Variants in CBARP observed in about 807,000 individuals in gnomAD.
The protein encoded by CBARP is CACN subunit beta associated regulatory protein.
In CBARP, 24 loss-of-function variants were observed where a neutral mutation model predicts 36.3. The observed-to-expected ratio is 0.66, with a 90% CI of 0.48 to 0.93. CBARP has a LOEUF of 0.93. Ranked by LOEUF, CBARP falls within the 40% of genes least tolerant of loss-of-function variation. The pLI is 0.00. For missense variants in CBARP, 1,146 were observed against 980.4 expected, an observed-to-expected ratio of 1.17 and a Z score of -2.26; for synonymous variants, 586 against 453.2, an observed-to-expected ratio of 1.29 and a Z score of -3.72.
Position 1,235,030 on chromosome 19 carries a change from C to T in CBARP, c.426G>A (p.Gln142=). 6.2e-7 allele frequency: 1 copy of T among 1,610,346 alleles called. No homozygotes were observed. Among genetic ancestry groups the T allele is most frequent in the South Asian group, 1.1e-5 (1 of 90,980 alleles). Residue 142 remains glutamine, a synonymous_variant, in exon 5 of 10, where the codon CAG becomes CAA. Transcript: ENST00000650044. ...GACCCTTGTCCTGCGTCTTGCGGCT[C>T]TGCTCAAACAGCGCCGCCTCATTGA... ...VSFNEAALFE[Q]SRKTQDKGRR...
At position 1,235,531 on chromosome 19, in the gene CBARP, A is replaced by AGGT. The variant is rs748809034; in HGVS notation, c.277_279dup (p.Thr93dup). ...GCTGGGTGGGTGCCGTTGTCCAGGT[A>AGGT]GGTGGTGGTGGTCTTCTCCGCTTCC... On this transcript the variant is annotated inframe_insertion, in exon 4 of 10. Coordinates refer to ENST00000650044, the MANE Select transcript of CBARP (RefSeq NM_001393918.1). The AGGT allele has an allele frequency of 9.3e-6, 15 of 1,605,936 alleles. No homozygotes were observed. The Admixed American group carries it at 2.4e-4, about 26-fold the overall frequency.
chr19:1,230,001 G>C lies in CBARP; in HGVS notation c.1296C>G (p.Thr432=). Reference sequence around the variant, plus strand: ...GCAGGCTCCACAGGTCGCGGTAGCTGGTCTGGGCCTGCTCGGGGCCCGCGT... The same window carrying C: ...GCAGGCTCCACAGGTCGCGGTAGCTCGTCTGGGCCTGCTCGGGGCCCGCGT... The part of the protein sequence containing the change: ...ERDAGPEQAQ[T]SYRDLWSLRA... The change falls in exon 10 of 10, where the codon ACC becomes ACG. Residue 432 remains threonine, a synonymous_variant. Coordinates refer to ENST00000650044, the MANE Select transcript of CBARP (RefSeq NM_001393918.1). 1.6e-6 allele frequency: 2 copies of C among 1,234,716 alleles called. No homozygotes were observed. The highest frequency in any genetic ancestry group is 2.1e-6 in the Non-Finnish European group (2 of 966,434). 76.5% of individuals were successfully genotyped at this position (1,234,716 alleles called of 1,614,324 possible).
At chr19:1,233,240 T>A (rs1362751637) in intron 8 of CBARP, among the ~76,000 whole-genome samples, 186 bp downstream of exon 8, 16 of 152,086 alleles carry the variant, frequency 1.1e-4, no homozygotes, top group Non-Finnish European at 5.9e-5. Context: ...GCCCGCACAC[T>A]CAGCCCTCCC....
chr19:1,230,100 G>T lies in CBARP; in HGVS notation c.1197C>A (p.Ser399=). The change falls in exon 10 of 10, where the codon TCC becomes TCA. Residue 399 remains serine (S), a synonymous_variant. Coordinates refer to ENST00000650044, the MANE Select transcript of CBARP (RefSeq NM_001393918.1). ...AEAAGGASPD[S]PPERGAGSAG... ...CGCTGCCCGCGCCGCGCTCCGGGGG[G>T]GAATCGGGGCTCGCTCCTCCCGCTG... 7.4e-6 allele frequency: 8 copies of T among 1,079,608 alleles called. No individual in the cohort carries two copies. Among genetic ancestry groups the T allele is most frequent in the Non-Finnish European group, 9.0e-6 (8 of 884,266 alleles). The allele number at this position is 1,079,608 out of a possible 1,614,324, so 66.9% of individuals were successfully genotyped here.
Position 1,233,597 on chromosome 19 carries a change from C to G in CBARP, c.808G>C (p.Gly270Arg). The change falls in exon 8 of 10, where the codon GGG becomes CGG. Residue 270 changes from glycine to arginine, a missense_variant. Gly to Arg is a moderately radical substitution (Grantham distance 125). Coordinates refer to ENST00000650044, the MANE Select transcript of CBARP (RefSeq NM_001393918.1). ...GTRSTKAGGP[G>R]AAAGPGEAGP... is the part of the protein sequence containing the mutation. ...GCCTCCCCAGGCCCTGCTGCAGCCC[C>G]GGGCCCTCCAGCCTTGGTGCTCCTG... The G allele has an allele frequency of 1.9e-6, 3 of 1,610,472 alleles. No homozygotes were observed. Among genetic ancestry groups the G allele is most frequent in the Non-Finnish European group, 2.5e-6 (3 of 1,179,104 alleles).
chr19:1,235,660 C>A (rs998925438), intron 3 of CBARP, 95 bp from the exon 4 acceptor site: 203 of 1,588,060 alleles, frequency 1.3e-4, no homozygotes, highest in Admixed American at 5.0e-4. Context: ...CTGCGCATCA[C>A]CCAGTCTCCA....
chr19:1,230,379 G>T (rs2080874275), intron 9 of CBARP: 1 of 987,002 alleles, frequency 1.0e-6, no homozygotes, highest in Non-Finnish European at 1.2e-6. Flanking sequence ...GACTGCAGAC[G>T]GCGGGGCCCC....
At position 1,230,311 on chromosome 19, in the gene CBARP, G is replaced by A. The variant is rs573134979; in HGVS notation, c.1155-169C>T. The stretch of plus-strand genomic sequence containing the variant: ...AGCCAGTGTGTTTTGCAGGGGATGC[G>A]TCTTGCATTGACCCTGAGCTGTGGC... On this transcript the variant is annotated intron_variant, in intron 9 of 9. Transcript: ENST00000650044. The A allele has an allele frequency of 2.7e-4, 270 of 989,210 alleles. 1 individual carries two copies. Among genetic ancestry groups the A allele is most frequent in the Non-Finnish European group, 3.0e-4 (251 of 832,726 alleles). The allele number at this position is 989,210 out of a possible 1,614,324, so 61.3% of individuals were successfully genotyped here.
intron 4 of CBARP, 118 bp downstream of exon 4, chr19:1,235,383 C>A: frequency 8.2e-7 from 1 of 1,218,152 alleles, no homozygotes; most frequent in Admixed American, 2.9e-5. Flanking sequence ...AATCGAGCTG[C>A]GCCCAGTCTG....
intron 3 of CBARP, 25 bp downstream of exon 3, chr19:1,235,754 C>T: frequency 6.2e-7 from 1 of 1,606,180 alleles, no homozygotes; most frequent in South Asian, 1.1e-5. Flanking sequence ...CATGCACCTG[C>T]CCAGCCGAGG....
At chr19:1,234,857 C>T (rs1357899928) in intron 5 of CBARP, 115 bp from the exon 6 acceptor site, 1 of 1,505,390 alleles carries the variant, frequency 6.6e-7, no homozygotes, top group South Asian at 1.3e-5. Flanking sequence ...AGGGGGGCAA[C>T]TGGCCAAGGC....
chr19:1,234,478 C>T (rs1348810373), intron 6 of CBARP, 93 bp downstream of exon 6: 2 of 1,450,670 alleles, frequency 1.4e-6, no homozygotes, highest in Non-Finnish European at 1.8e-6. Context: ...GAGGGCCACC[C>T]AGAAAAAGAG....
chr19:1,235,218 C>T (rs907675381), intron 4 of CBARP, 73 bp from the exon 5 acceptor site: 15 of 1,373,786 alleles, frequency 1.1e-5, no homozygotes, highest in Non-Finnish European at 1.4e-5. Context: ...AGGGCTGCTC[C>T]TCCGGGCGGC....
At position 1,231,134 on chromosome 19, in the gene CBARP, G is replaced by A. The variant is rs778056754; in HGVS notation, c.1121C>T (p.Pro374Leu). 3 of 1,600,860 alleles carry A rather than the reference G, an allele frequency of 1.9e-6. No homozygotes were observed. The highest frequency in any genetic ancestry group is 2.2e-5 in the South Asian group (2 of 90,438). Residue 374 changes from proline (P) to leucine (L), a missense_variant, in exon 9 of 10, where the codon CCC becomes CTC. By Grantham distance (98) the Pro-to-Leu change is moderately conservative. Coordinates refer to ENST00000650044, the MANE Select transcript of CBARP (RefSeq NM_001393918.1). The part of the protein sequence containing the change: ...GDAVAFPHPR[P>L]FLASPPPALG... ...AGCAGGGGGCGGGCTGGCCAGAAAGGGGCGGGGGTGCGGGAAGGCCACGGC... is the reference window on the plus strand; with the variant it reads ...AGCAGGGGGCGGGCTGGCCAGAAAGAGGCGGGGGTGCGGGAAGGCCACGGC...
At position 1,234,633 on chromosome 19, in the gene CBARP, C is replaced by G. The variant is rs747668437; in HGVS notation, c.565G>C (p.Ala189Pro). Residue 189 changes from alanine (A) to proline (P), a missense_variant, in exon 6 of 10, where the codon GCC becomes CCC. By Grantham distance (27) the Ala-to-Pro change is conservative (BLOSUM62 -1). Transcript: ENST00000650044. ...GGGTGGGGCGTGGTGGCTGAGCTGG[C>G]CTCGCCTGAGTCACACTCGTGGATG... ...VTIHECDSGE[A>P]SSATTPHPAT... is the part of the protein sequence containing the mutation. 1 of 1,610,432 alleles carries G rather than the reference C, an allele frequency of 6.2e-7. No homozygotes were observed. The highest frequency in any genetic ancestry group is 8.5e-7 in the Non-Finnish European group (1 of 1,178,896).
chr19:1,233,319 GCTC>G, intron 8 of CBARP, 104 bp downstream of exon 8: 1 of 1,163,014 alleles, frequency 8.6e-7, no homozygotes, highest in East Asian at 2.6e-5. Flanking sequence ...CAGAGCACCG[GCTC>G]CCCACCCAGC....
Position 1,234,628 on chromosome 19 carries a change from G to A in CBARP, c.570C>T (p.Ser190=), listed in dbSNP as rs919872261. ...TGGCCGGGTGGGGCGTGGTGGCTGAGCTGGCCTCGCCTGAGTCACACTCGT... is the reference window on the plus strand; with the variant it reads ...TGGCCGGGTGGGGCGTGGTGGCTGAACTGGCCTCGCCTGAGTCACACTCGT... ...TIHECDSGEA[S]SATTPHPATS... Residue 190 remains serine, a synonymous_variant, in exon 6 of 10, where the codon AGC becomes AGT. Transcript: ENST00000650044. The A allele has an allele frequency of 9.3e-6, 15 of 1,610,070 alleles. No homozygotes were observed. The African/African-American group carries it at 1.7e-4, about 19-fold the overall frequency.
chr19:1,229,651 A>G lies in CBARP; in HGVS notation c.1646T>C (p.Leu549Pro). Residue 549 changes from leucine to proline, a missense_variant, in exon 10 of 10, where the codon CTG (leucine) becomes CCG (proline). By Grantham distance (98) the Leu-to-Pro change is moderately conservative. Transcript: ENST00000650044. The surrounding 1 kb of genome is among the most constrained non-coding windows in gnomAD (Gnocchi z 5.1). ...GTCGTGGCGCAGGAACTCGTGGAAC[A>G]GCGCGTCCGTCTTCTCGTCGATGCT... is the stretch of plus-strand genomic sequence containing the variant. ...DYSIDEKTDA[L>P]FHEFLRHDPH... 8.5e-7 allele frequency: 1 copy of G among 1,171,408 alleles called. No individual in the cohort carries two copies. The highest frequency in any genetic ancestry group is 1.1e-6 in the Non-Finnish European group (1 of 931,554). The allele number at this position is 1,171,408 out of a possible 1,614,324, so 72.6% of individuals were successfully genotyped here.
intron 3 of CBARP, 41 bp from the exon 4 acceptor site, chr19:1,235,606 C>T: frequency 6.3e-7 from 1 of 1,594,010 alleles, no homozygotes; most frequent in Non-Finnish European, 8.5e-7. Context: ...ACGGAGGGCC[C>T]AGATAGCCAC....
Sources: gnomAD v4.1 joint callset for allele counts (sites outside exome capture counted in the v4.1 genomes callset) on GRCh38, gnomAD v4.1.1 for gene constraint, Gnocchi (gnomAD v3.1) non-coding constraint, MANE v1.5 for transcripts, NCBI Gene and HGNC (gene_info 2026-07-23, HGNC 2026-07-21) for gene names.